Variants in MAGI2 observed in about 807,000 individuals in gnomAD.
The protein encoded by MAGI2 is membrane associated guanylate kinase, WW and PDZ domain containing 2, also known as membrane-associated guanylate kinase, WW and PDZ domain-containing protein 2.
MAGI2 carries 35 observed loss-of-function variants against 133.3 expected under a neutral mutation model. That is an observed-to-expected ratio of 0.26 (90% CI 0.20 to 0.35). MAGI2 has a LOEUF of 0.35. Among genes scored for constraint, MAGI2 ranks in the 10% least tolerant of loss-of-function variants. The probability of loss-of-function intolerance (pLI) is 1.00; values close to 1 mark genes in which losing one functional copy is unlikely to be tolerated. For synonymous variants in MAGI2, 729 were observed against 710.6 expected (o/e 1.03, Z -0.41); for missense variants, 1,636 against 1,863.4 (o/e 0.88, Z 2.25).
At chr7:79,387,129 T>TGTGTGTG (rs1563176235) in intron 1 of MAGI2, among the ~76,000 whole-genome samples, 18 of 151,466 alleles carry the variant, frequency 1.2e-4, no homozygotes, top group Non-Finnish European at 2.1e-4. Context: ...TGTGTGTGTG[T>TGTGTGTG]TAACATTAAC....
intron 2 of MAGI2, among the ~76,000 whole-genome samples, chr7:78,927,527 G>A (rs1275172265): frequency 6.6e-6 from 1 of 151,690 alleles, no homozygotes; most frequent in Non-Finnish European, 1.5e-5. Context: ...TCAAGGAAAG[G>A]GTAGAGATAA....
intron 1 of MAGI2, among the ~76,000 whole-genome samples, chr7:79,108,565 G>A (rs1818637372): frequency 6.6e-6 from 1 of 152,270 alleles, no homozygotes; most frequent in African/African-American, 2.4e-5. Context: ...CACTATGAAT[G>A]TTAATACTAC....
chr7:79,453,566 C>A lies in MAGI2; in HGVS notation c.-246G>T. The A allele has an allele frequency of 8.2e-7, 1 of 1,220,876 alleles. No homozygotes were observed. Among genetic ancestry groups the A allele is most frequent in the Non-Finnish European group, 1.0e-6 (1 of 980,052 alleles). The allele number at this position is 1,220,876 out of a possible 1,614,324, so 75.6% of individuals were successfully genotyped here. Reference sequence around the variant, plus strand: ...AGGTTGTGCTGTCCCTTGAATGACACTCAAGGCTGTGGCCCCGCAGCAGAG... The same window carrying A: ...AGGTTGTGCTGTCCCTTGAATGACAATCAAGGCTGTGGCCCCGCAGCAGAG... On this transcript the variant is annotated 5_prime_UTR_variant, in exon 1 of 22. Coordinates refer to ENST00000354212, the MANE Select transcript of MAGI2 (RefSeq NM_012301.4).
At chr7:78,750,636 C>T (rs577232205) in intron 2 of MAGI2, among the ~76,000 whole-genome samples, 3 of 152,212 alleles carry the variant, frequency 2.0e-5, no homozygotes, top group African/African-American at 7.2e-5. Context: ...CAAGCAAATA[C>T]ATTAGGAAGA....
chr7:78,369,220 A>C lies in MAGI2; in HGVS notation c.1046-7T>G. 6.3e-7 allele frequency: 1 copy of C among 1,586,132 alleles called. No individual in the cohort carries two copies. The highest frequency in any genetic ancestry group is 8.6e-7 in the Non-Finnish European group (1 of 1,159,238). Reference sequence around the variant, plus strand: ...TCCCAGCCATATGGAAGCTCTGAAAAATAAAGAGTTCTTTCAGTAAATAAA... The same window carrying C: ...TCCCAGCCATATGGAAGCTCTGAAACATAAAGAGTTCTTTCAGTAAATAAA... On this transcript the variant is annotated splice_region_variant and splice_polypyrimidine_tract_variant and intron_variant, in intron 6 of 21. Transcript: ENST00000354212.
intron 20 of MAGI2, among the ~76,000 whole-genome samples, chr7:78,103,059 C>T (rs1818344245): frequency 6.6e-6 from 1 of 152,198 alleles, no homozygotes; most frequent in Admixed American, 6.5e-5. Flanking sequence ...TCTCTTTCCT[C>T]ATATCTACCT....
chr7:78,733,589 T>C (rs999736061), intron 2 of MAGI2, among the ~76,000 whole-genome samples: 2 of 152,228 alleles, frequency 1.3e-5, no homozygotes, highest in Admixed American at 1.3e-4. Flanking sequence ...CAATAATTTA[T>C]TTTAAGAAAA....
intron 2 of MAGI2, among the ~76,000 whole-genome samples, chr7:78,889,732 T>C (rs528305108): frequency 6.6e-6 from 1 of 152,232 alleles, no homozygotes; most frequent in South Asian, 2.1e-4. Flanking sequence ...AAGGAAGAAC[T>C]AAACATGGAA....
chr7:78,929,723 T>A (rs1388837457), intron 2 of MAGI2, among the ~76,000 whole-genome samples: 5 of 152,102 alleles, frequency 3.3e-5, no homozygotes, highest in Non-Finnish European at 2.9e-5. Flanking sequence ...TAACCTCTGA[T>A]AATCCCCCTA....
intron 2 of MAGI2, among the ~76,000 whole-genome samples, chr7:78,645,752 T>TCCC (rs1464657176): frequency 2.1e-4 from 32 of 150,844 alleles, no homozygotes; most frequent in South Asian, 4.2e-4. Flanking sequence ...TTTTTTTTTT[T>TCCC]CCCCGAGACA....
At chr7:78,926,002 A>G (rs1441780962) in intron 2 of MAGI2, among the ~76,000 whole-genome samples, 1 of 151,946 alleles carries the variant, frequency 6.6e-6, no homozygotes, top group African/African-American at 2.4e-5. Context: ...TGACTAAAAT[A>G]CTGTTCTCAT....
chr7:79,376,841 G>GTGTGTGTGTGTGTGTGTGTGTGT (rs1563166210), intron 1 of MAGI2, among the ~76,000 whole-genome samples: 3 of 147,456 alleles, frequency 2.0e-5, no homozygotes, highest in African/African-American at 7.9e-5. Flanking sequence ...TGTGTGTGTG[G>GTGTGTGTGTGTGTGTGTGTGTGT]GTGTATGGCG....
intron 10 of MAGI2, among the ~76,000 whole-genome samples, chr7:78,238,561 T>C (rs911321324): frequency 4.6e-5 from 7 of 152,026 alleles, no homozygotes; most frequent in Admixed American, 1.3e-4. Context: ...ATTTTTCTCT[T>C]TTTCTTATAT....
rs530646046 is a variant in MAGI2, at chr7:79,234,340, C to T, written c.301+218680G>A. 6.6e-5 allele frequency among the ~76,000 whole-genome samples: 10 copies of T among 151,622 alleles called. No homozygotes were observed. The East Asian group carries it at 1.9e-3, about 29-fold the overall frequency. ...GTATTTCCTGAATCTGAACGTTGGC[C>T]TGCCTTGTTAGATTGGGGAAGTTCT... On this transcript the variant is annotated intron_variant, in intron 1 of 21. Transcript: ENST00000354212.
intron 1 of MAGI2, chr7:79,139,759 C>A (rs1821941739): frequency 6.6e-6 from 1 of 152,194 alleles, no homozygotes; most frequent in Admixed American, 6.5e-5. Flanking sequence ...GATTCAAAGG[C>A]TGTTTCCACA....
At chr7:78,225,009 T>C (rs565729698) in intron 10 of MAGI2, among the ~76,000 whole-genome samples, 29 of 152,218 alleles carry the variant, frequency 1.9e-4, no homozygotes, top group African/African-American at 7.0e-4. Flanking sequence ...TTACACAGAA[T>C]TGGCTCTGCT....
intron 2 of MAGI2, among the ~76,000 whole-genome samples, chr7:78,699,028 G>T (rs1016561727): frequency 6.6e-6 from 1 of 152,142 alleles, no homozygotes; most frequent in African/African-American, 2.4e-5. Context: ...CAGAAATGAT[G>T]GTGATAAACA....
At chr7:79,388,829 A>G (rs1431552249) in intron 1 of MAGI2, among the ~76,000 whole-genome samples, 1 of 146,072 alleles carries the variant, frequency 6.8e-6, no homozygotes, top group Non-Finnish European at 1.5e-5. Flanking sequence ...TATGAACCAC[A>G]TATATGTAGT....
intron 1 of MAGI2, among the ~76,000 whole-genome samples, chr7:79,052,839 G>A (rs1812798257): frequency 6.6e-6 from 1 of 152,096 alleles, no homozygotes; most frequent in African/African-American, 2.4e-5. Context: ...GGTACCAAGT[G>A]ACATTGGCAT....
Sources: gnomAD v4.1 joint callset for allele counts (sites outside exome capture counted in the v4.1 genomes callset) on GRCh38, gnomAD v4.1.1 for gene constraint, MANE v1.5 for transcripts, NCBI Gene and HGNC (gene_info 2026-07-23, HGNC 2026-07-21) for gene names.